The following TSN variants were observed in gnomAD, a reference collection of about 807,000 sequenced individuals.
The protein encoded by TSN is translin.
In TSN, 5 loss-of-function variants were observed where a neutral mutation model predicts 29.4. The observed-to-expected ratio is 0.17, with a 90% CI of 0.09 to 0.36. TSN has a LOEUF of 0.36. Among genes scored for constraint, TSN ranks in the 10% least tolerant of loss-of-function variants. The pLI is 1.00. For missense variants in TSN, 159 were observed against 272.8 expected, an observed-to-expected ratio of 0.58 and a Z score of 2.94; for synonymous variants, 106 against 102.2, an observed-to-expected ratio of 1.04 and a Z score of -0.23.
At chr2:121,760,995 G>A (rs577517483) in intron 3 of TSN, among the ~76,000 whole-genome samples, 1 of 150,608 alleles carries the variant, frequency 6.6e-6, no homozygotes, top group East Asian at 2.0e-4. Context: ...TCAGCCTCCC[G>A]AGTAGCTGGG....
At position 121,756,677 on chromosome 2, in the gene TSN, G is replaced by T. The variant is rs1336412394; in HGVS notation, c.67-563G>T. The T allele has an allele frequency of 6.2e-6, 8 of 1,281,444 alleles. No homozygotes were observed. In the East Asian group the frequency reaches 4.6e-4, roughly 74 times the overall value. 79.4% of individuals were successfully genotyped at this position (1,281,444 alleles called of 1,614,324 possible). A position where few individuals can be genotyped will look rare whatever the true frequency, so the allele number is the denominator to read the frequency against. On this transcript the variant is annotated intron_variant, in intron 1 of 5. Transcript: ENST00000389682. ...TCCAGCATTTTGGGAGGCCGAGGCG[G>T]CCAGATCACCTGAGGTAAGGAGTTT...
intron 2 of TSN, among the ~76,000 whole-genome samples, chr2:121,757,982 T>G (rs997900847): frequency 2.0e-5 from 3 of 152,078 alleles, no homozygotes; most frequent in African/African-American, 7.2e-5. Context: ...TTTGTAACTC[T>G]TTTGTGTTAT....
In TSN at chr2:121,766,432, C is replaced by T. The variant is rs1321084298; in HGVS notation, c.*1065C>T. 5.9e-5 allele frequency: 9 copies of T among 151,426 alleles called. No homozygotes were observed. Among genetic ancestry groups the T allele is most frequent in the African/African-American group, 9.8e-5 (4 of 40,770 alleles). The allele number at this position is 151,426 out of a possible 1,614,324, so 9.4% of individuals were successfully genotyped here. The stretch of plus-strand genomic sequence containing the variant: ...CAGCCTGGGCAACAAAGTGAGACTC[C>T]ATCTCTATATAAAAACAAAAACCAC... On this transcript the variant is annotated 3_prime_UTR_variant, in exon 6 of 6. Transcript: ENST00000389682.
At chr2:121,758,041 A>T (rs1331054885) in intron 2 of TSN, among the ~76,000 whole-genome samples, 1 of 151,812 alleles carries the variant, frequency 6.6e-6, no homozygotes, top group Non-Finnish European at 1.5e-5. Context: ...GTATGTGTGT[A>T]TGTGTGTATA....
chr2:121,763,120 T>G (rs2074852798), intron 5 of TSN, 36 bp downstream of exon 5: 1 of 1,461,200 alleles, frequency 6.8e-7, no homozygotes, highest in East Asian at 2.3e-5. Context: ...TTTTTTGATC[T>G]TTCTGCTTCA....
rs571623536 is a variant in TSN, at chr2:121,762,141, C to T, written c.373+617C>T. Among the ~76,000 whole-genome samples, 15 of 152,182 alleles carry T rather than the reference C, an allele frequency of 9.9e-5. 1 individual carries two copies. Among genetic ancestry groups the T allele is most frequent in the African/African-American group, 2.9e-4 (12 of 41,524 alleles). ...CTGAGTAGCTGGAATTACAGGCATG[C>T]ACCACCACACCCGGCTAATTTTGTA... On this transcript the variant is annotated intron_variant, in intron 4 of 5. Coordinates refer to ENST00000389682, the MANE Select transcript of TSN (RefSeq NM_004622.3).
At position 121,763,449 on chromosome 2, in the gene TSN, GTCTGT is replaced by G. The variant is rs1313906937; in HGVS notation, c.453+367_453+371del. Among the ~76,000 whole-genome samples the G allele has an allele frequency of 1.1e-4, 17 of 152,202 alleles. No individual in the cohort carries two copies. In the East Asian group the frequency reaches 2.9e-3, roughly 26 times the overall value. ...CGTGAGCCACTGTGCCTGGCCCACT[GTCTGT>G]TTTTAAAATGGGTACCAAAATTCAG... On this transcript the variant is annotated intron_variant, in intron 5 of 5. Coordinates refer to ENST00000389682, the MANE Select transcript of TSN (RefSeq NM_004622.3).
Position 121,766,900 on chromosome 2 carries a change from T to A in TSN, c.*1533T>A, listed in dbSNP as rs2074909240. 1 of 152,178 alleles carries A rather than the reference T, an allele frequency of 6.6e-6. No homozygotes were observed. Among genetic ancestry groups the A allele is most frequent in the South Asian group, 2.1e-4 (1 of 4,830 alleles). 9.4% of individuals were successfully genotyped at this position (152,178 alleles called of 1,614,324 possible). ...AAAGCAGTTGAAATGAGGCATGAGT[T>A]ACTGTGCATTGGGATTTTAGAACAA... is the stretch of plus-strand genomic sequence containing the variant. On this transcript the variant is annotated 3_prime_UTR_variant, in exon 6 of 6. Transcript: ENST00000389682.
At chr2:121,758,899 A>G in intron 3 of TSN, 93 bp downstream of exon 3, 1 of 803,622 alleles carries the variant, frequency 1.2e-6, no homozygotes, top group East Asian at 3.2e-5. Context: ...CTAGGCAAAC[A>G]TCCTGTGTAG....
At chr2:121,756,064 G>T in intron 1 of TSN, 1 of 970,526 alleles carries the variant, frequency 1.0e-6, no homozygotes. Context: ...AGCATCACTT[G>T]CCTCGTTTGT....
intron 2 of TSN, 142 bp from the exon 3 acceptor site, chr2:121,758,568 G>A: frequency 4.1e-6 from 2 of 486,212 alleles, no homozygotes; most frequent in Non-Finnish European, 7.0e-6. Flanking sequence ...TATTTTGAAA[G>A]CCAGGTTGAA....
chr2:121,765,056 C>G, intron 5 of TSN, 78 bp from the exon 6 acceptor site: 1 of 1,391,954 alleles, frequency 7.2e-7, no homozygotes, highest in Non-Finnish European at 1.0e-6. Context: ...TGCGGTTCTT[C>G]TGGTTGTGAT....
At chr2:121,761,324 C>T in intron 3 of TSN, 85 bp from the exon 4 acceptor site, 1 of 878,588 alleles carries the variant, frequency 1.1e-6, no homozygotes, top group South Asian at 1.4e-5. Flanking sequence ...GATCGCATTT[C>T]TAAACCGTTT....
At chr2:121,761,270 C>T (rs1027137691) in intron 3 of TSN, 139 bp from the exon 4 acceptor site, 3 of 620,914 alleles carry the variant, frequency 4.8e-6, no homozygotes, top group Non-Finnish European at 5.8e-6. Context: ...TGTCATATTT[C>T]TCTTTATATA....
At chr2:121,763,751 C>T (rs188741500) in intron 5 of TSN, among the ~76,000 whole-genome samples, 14 of 152,182 alleles carry the variant, frequency 9.2e-5, no homozygotes, top group African/African-American at 3.4e-4. Context: ...TTCCTTTAAC[C>T]ACTATCTAGG....
intron 1 of TSN, chr2:121,756,272 C>G: frequency 4.2e-6 from 1 of 239,108 alleles, no homozygotes; most frequent in Non-Finnish European, 8.5e-6. Context: ...TCTCTTCAAT[C>G]TCGTTTATGC....
rs781441284 is a variant in TSN at position 121,765,166 on chromosome 2, A to T, written c.486A>T (p.Gly162=). Residue 162 remains glycine (G), a synonymous_variant, in exon 6 of 6, where the codon GGA becomes GGT. Coordinates refer to ENST00000389682, the MANE Select transcript of TSN (RefSeq NM_004622.3). ...TGTCTGTCAACAGCGTGACTGCTGG[A>T]GACTACTCCCGACCCCTCCACATCT... ...SRLSVNSVTA[G]DYSRPLHIST... 21 of 1,614,054 alleles carry T rather than the reference A, an allele frequency of 1.3e-5. No homozygotes were observed. The highest frequency in any genetic ancestry group is 1.7e-5 in the Non-Finnish European group (20 of 1,180,046).
chr2:121,758,054 C>T (rs1016475533), intron 2 of TSN, among the ~76,000 whole-genome samples: 1 of 151,882 alleles, frequency 6.6e-6, no homozygotes, highest in African/African-American at 2.4e-5. Flanking sequence ...TGTGTATATG[C>T]ACCTGTGTGT....
chr2:121,764,430 C>A (rs1398528922), intron 5 of TSN, among the ~76,000 whole-genome samples: 1 of 151,922 alleles, frequency 6.6e-6, no homozygotes. Context: ...CAAAGCAAGA[C>A]CCCTTCTCTA....
Sources: allele counts gnomAD v4.1 joint callset (sites outside exome capture counted in the v4.1 genomes callset), GRCh38; gene constraint gnomAD v4.1.1; transcripts MANE v1.5; gene names NCBI Gene and HGNC (gene_info 2026-07-23, HGNC 2026-07-21).